SEZ6L: variants seen among roughly 807,000 people sequenced by gnomAD.
SEZ6L encodes the protein seizure related 6 homolog like.
A neutral mutation model predicts 106.2 loss-of-function variants in SEZ6L; 37 were observed. The observed-to-expected ratio is 0.35, with a 90% CI of 0.27 to 0.46. SEZ6L has a LOEUF of 0.46. Among genes scored for constraint, SEZ6L ranks in the 20% least tolerant of loss-of-function variants. SEZ6L has a pLI of 1.00. For synonymous variants in SEZ6L, 541 were observed against 570.4 expected (o/e 0.95, Z 0.73); for missense variants, 1,172 against 1,332.8 (o/e 0.88, Z 1.88).
intron 1 of SEZ6L, among the ~76,000 whole-genome samples, chr22:26,282,964 A>C (rs925589830): frequency 6.6e-6 from 1 of 152,094 alleles, no homozygotes; most frequent in Non-Finnish European, 1.5e-5. Context: ...CCTGTCGCCC[A>C]GGCTGGAGTA....
intron 1 of SEZ6L, among the ~76,000 whole-genome samples, chr22:26,173,124 G>A (rs1569352400): frequency 6.6e-6 from 1 of 152,166 alleles, no homozygotes; most frequent in South Asian, 2.1e-4. Flanking sequence ...GGGCAAGGAG[G>A]ACTGATGATA....
intron 9 of SEZ6L, among the ~76,000 whole-genome samples, chr22:26,330,244 TC>T (rs1360617698): frequency 6.6e-6 from 1 of 150,588 alleles, no homozygotes; most frequent in Non-Finnish European, 1.5e-5. Context: ...CTGTTTGGAT[TC>T]CGGCTCTGCT....
rs530692091 is a variant in SEZ6L at position 26,261,973 on chromosome 22, A to G, written c.95-30433A>G. Among the ~76,000 whole-genome samples the G allele has an allele frequency of 3.3e-5, 5 of 152,242 alleles. No individual in the cohort carries two copies. The South Asian group carries it at 1.0e-3, about 32-fold the overall frequency. On this transcript the variant is annotated intron_variant, in intron 1 of 16. Transcript: ENST00000248933. ...GATCATCCAGAAGTGAGGAAGAGTT[A>G]GCCTCCACGATTGGGAAACAGAGGG... is the stretch of plus-strand genomic sequence containing the variant.
chr22:26,311,355 G>T (rs557571371), intron 7 of SEZ6L, among the ~76,000 whole-genome samples: 3 of 152,304 alleles, frequency 2.0e-5, no homozygotes, highest in African/African-American at 7.2e-5. Flanking sequence ...GAAGGGGTTC[G>T]CTGGGCATTT....
chr22:26,350,536 T>C (rs1209935623), intron 11 of SEZ6L, among the ~76,000 whole-genome samples: 1 of 152,038 alleles, frequency 6.6e-6, no homozygotes, highest in East Asian at 1.9e-4. Flanking sequence ...CCCACCTCTT[T>C]GGGCAAATTC....
At chr22:26,281,763 T>A (rs781010853) in intron 1 of SEZ6L, among the ~76,000 whole-genome samples, 5 of 152,190 alleles carry the variant, frequency 3.3e-5, no homozygotes, top group Non-Finnish European at 5.9e-5. Context: ...AAATTATGTA[T>A]CCTTTGACCA....
At chr22:26,342,681 C>T (rs572917216) in intron 10 of SEZ6L, among the ~76,000 whole-genome samples, 15 of 151,116 alleles carry the variant, frequency 9.9e-5, no homozygotes, top group South Asian at 2.1e-4. Context: ...GGTGATAGAG[C>T]GAGACTCCGT....
At chr22:26,272,077 A>C (rs1485126877) in intron 1 of SEZ6L, among the ~76,000 whole-genome samples, 1 of 152,246 alleles carries the variant, frequency 6.6e-6, no homozygotes, top group African/African-American at 2.4e-5. Context: ...GCCGGATACA[A>C]AAGAGAACAC....
intron 1 of SEZ6L, among the ~76,000 whole-genome samples, chr22:26,193,255 C>T (rs1260265236): frequency 6.6e-6 from 1 of 152,210 alleles, no homozygotes; most frequent in Admixed American, 6.5e-5. Flanking sequence ...CCCAGTTTGT[C>T]ACTGGAAAAA....
intron 1 of SEZ6L, among the ~76,000 whole-genome samples, chr22:26,226,757 G>T (rs1783528974): frequency 6.6e-6 from 1 of 152,176 alleles, no homozygotes. Flanking sequence ...TCTGGCCAAT[G>T]GGATGTAAGC....
intron 1 of SEZ6L, among the ~76,000 whole-genome samples, chr22:26,264,547 A>G (rs2080116073): frequency 1.3e-5 from 2 of 152,220 alleles, no homozygotes; most frequent in African/African-American, 4.8e-5. Flanking sequence ...TGGTAATATC[A>G]TATGTTTATA....
intron 1 of SEZ6L, among the ~76,000 whole-genome samples, chr22:26,222,586 A>G (rs563625169): frequency 7.9e-5 from 12 of 152,192 alleles, no homozygotes; most frequent in Middle Eastern, 3.4e-3. Flanking sequence ...GGAGAAAAAA[A>G]ACTGAGGATT....
chr22:26,204,377 C>T (rs1158604347), intron 1 of SEZ6L, among the ~76,000 whole-genome samples: 3 of 152,194 alleles, frequency 2.0e-5, no homozygotes, highest in Non-Finnish European at 4.4e-5. Flanking sequence ...AAATATAGCA[C>T]TTACTACATG....
At chr22:26,324,099 C>CAA (rs1443088969) in intron 9 of SEZ6L, among the ~76,000 whole-genome samples, 26 of 146,860 alleles carry the variant, frequency 1.8e-4, no homozygotes, top group Non-Finnish European at 2.8e-4. Context: ...CACACACACA[C>CAA]ACAAACACAC....
intron 12 of SEZ6L, among the ~76,000 whole-genome samples, chr22:26,361,676 A>G (rs2083641276): frequency 6.6e-6 from 1 of 152,152 alleles, no homozygotes; most frequent in Non-Finnish European, 1.5e-5. Flanking sequence ...TCTCATAACA[A>G]CACCTTGAGA....
chr22:26,380,199 G>T, intron 16 of SEZ6L, 67 bp from the exon 17 acceptor site: 5 of 1,480,350 alleles, frequency 3.4e-6, no homozygotes, highest in Non-Finnish European at 4.7e-6. Context: ...GCAAAGAACT[G>T]CATCCCCCTA....
chr22:26,375,775 G>A, intron 15 of SEZ6L, 86 bp downstream of exon 15: 1 of 964,242 alleles, frequency 1.0e-6, no homozygotes, highest in East Asian at 2.6e-5. Context: ...CTGAGCCTCA[G>A]GGTCTCCACC....
intron 6 of SEZ6L, among the ~76,000 whole-genome samples, chr22:26,309,208 TTTGCA>T (rs1326192024): frequency 6.6e-6 from 1 of 152,224 alleles, no homozygotes; most frequent in African/African-American, 2.4e-5. Context: ...CTTCACCATT[TTTGCA>T]TAATTTCTTT....
At chr22:26,239,963 G>T (rs1189327969) in intron 1 of SEZ6L, among the ~76,000 whole-genome samples, 1 of 151,060 alleles carries the variant, frequency 6.6e-6, no homozygotes, top group Non-Finnish European at 1.5e-5. Flanking sequence ...TTAACTCAGA[G>T]AATTCAACTT....
Sources: allele counts gnomAD v4.1 joint callset (sites outside exome capture counted in the v4.1 genomes callset), GRCh38; gene constraint gnomAD v4.1.1; transcripts MANE v1.5; gene names NCBI Gene and HGNC (gene_info 2026-07-23, HGNC 2026-07-21).